The following DRC11 variants were observed in gnomAD, a reference collection of about 807,000 sequenced individuals.
DRC11 encodes dynein regulatory complex subunit 11.
the DRC11 span, chr2:236,454,663 A>G: frequency 6.6e-6 from 1 of 152,216 alleles, no homozygotes; most frequent in African/African-American, 2.4e-5. The surrounding 1 kb of genome is among the most constrained non-coding windows in gnomAD (Gnocchi z 5.3). Context: ...CTTGGACTAT[A>G]AAGGGAAAGA....
chr2:236,503,455 C>A, the DRC11 span, among the ~76,000 whole-genome samples: 1 of 152,232 alleles, frequency 6.6e-6, no homozygotes, highest in African/African-American at 2.4e-5. The surrounding 1 kb of genome is among the most constrained non-coding windows in gnomAD (Gnocchi z 4.9). Flanking sequence ...TGACCCATAA[C>A]TGGAATTTTT....
At chr2:236,406,279 AC>A in the DRC11 span, among the ~76,000 whole-genome samples, 55 of 152,282 alleles carry the variant, frequency 3.6e-4, 1 homozygote, top group East Asian at 9.6e-3. This position sits in a 1 kb window ranked among gnomAD's most constrained non-coding sequence, Gnocchi z 4.7. Context: ...CCAAATGTTA[AC>A]TACTGCTATT....
the DRC11 span, among the ~76,000 whole-genome samples, chr2:236,356,973 A>ATATATTCATATATTATATATCTATATATT: frequency 1.5e-4 from 14 of 92,206 alleles, no homozygotes; most frequent in Non-Finnish European, 3.3e-4. Flanking sequence ...TATATATTAT[A>ATATATTCATATATTATATATCTATATATT]TATTCATATA....
the DRC11 span, among the ~76,000 whole-genome samples, chr2:236,314,374 A>G: frequency 6.6e-6 from 1 of 152,246 alleles, no homozygotes; most frequent in African/African-American, 2.4e-5. This position sits in a 1 kb window ranked among gnomAD's most constrained non-coding sequence, Gnocchi z 4.5. Context: ...ACCTAATGAT[A>G]AAATGTTGAA....
At chr2:236,478,830 CTTTT>C in the DRC11 span, among the ~76,000 whole-genome samples, 4 of 139,350 alleles carry the variant, frequency 2.9e-5, no homozygotes, top group African/African-American at 1.0e-4. The surrounding 1 kb of genome is among the most constrained non-coding windows in gnomAD (Gnocchi z 5.9). Context: ...GGTTTGTAGT[CTTTT>C]TTTTTTTTGA....
chr2:236,325,435 T>C, the DRC11 span, among the ~76,000 whole-genome samples: 1 of 152,172 alleles, frequency 6.6e-6, no homozygotes, highest in Non-Finnish European at 1.5e-5. The surrounding 1 kb of genome is among the most constrained non-coding windows in gnomAD (Gnocchi z 4.4). Context: ...GTTCACAATT[T>C]TTACAAATCT....
chr2:236,357,099 C>T, the DRC11 span, among the ~76,000 whole-genome samples: 15 of 126,676 alleles, frequency 1.2e-4, 1 homozygote, highest in South Asian at 7.3e-4. Context: ...TTTATATATT[C>T]GTATATTATA....
At chr2:236,430,977 A>T in the DRC11 span, among the ~76,000 whole-genome samples, 11 of 152,094 alleles carry the variant, frequency 7.2e-5, no homozygotes, top group African/African-American at 2.4e-4. This position sits in a 1 kb window ranked among gnomAD's most constrained non-coding sequence, Gnocchi z 6.0. Flanking sequence ...GTCAGCCATC[A>T]TTTTTTTGGG....
the DRC11 span, among the ~76,000 whole-genome samples, chr2:236,449,463 T>C: frequency 7.8e-3 from 1,183 of 152,306 alleles, 46 homozygotes; most frequent in East Asian, 0.12. The surrounding 1 kb of genome is among the most constrained non-coding windows in gnomAD (Gnocchi z 5.1). Flanking sequence ...CAGGCCGTGT[T>C]GCTGCCATTT....
At chr2:236,441,180 AC>A in the DRC11 span, 1 of 1,157,228 alleles carries the variant, frequency 8.6e-7, no homozygotes. Flanking sequence ...CTTGTTATAT[AC>A]CCCATTTATT....
At chr2:236,504,103 A>G in the DRC11 span, among the ~76,000 whole-genome samples, 2 of 151,310 alleles carry the variant, frequency 1.3e-5, no homozygotes, top group South Asian at 4.2e-4. This position sits in a 1 kb window ranked among gnomAD's most constrained non-coding sequence, Gnocchi z 5.0. Flanking sequence ...GTCACTCCCC[A>G]TTCCCCACTC....
chr2:236,438,942 A>G, the DRC11 span, among the ~76,000 whole-genome samples: 3,315 of 149,874 alleles, frequency 0.022, 123 homozygotes, highest in African/African-American at 0.077. Context: ...CTACATGGAA[A>G]CTGAACAACC....
At chr2:236,488,315 G>T in the DRC11 span, 2 of 609,718 alleles carry the variant, frequency 3.3e-6, no homozygotes, top group Non-Finnish European at 5.4e-6. Context: ...GATCATGAGT[G>T]TGAGAACCGC....
At chr2:236,472,656 T>G in the DRC11 span, among the ~76,000 whole-genome samples, 1 of 152,214 alleles carries the variant, frequency 6.6e-6, no homozygotes, top group Non-Finnish European at 1.5e-5. This position sits in a 1 kb window ranked among gnomAD's most constrained non-coding sequence, Gnocchi z 4.6. Context: ...TAATGGCATA[T>G]CCTATCCCAA....
the DRC11 span, chr2:236,391,885 C>T: frequency 9.5e-7 from 1 of 1,052,434 alleles, no homozygotes; most frequent in East Asian, 2.4e-5. The surrounding 1 kb of genome is among the most constrained non-coding windows in gnomAD (Gnocchi z 4.5). Context: ...CAACAGGCGG[C>T]CCTCCTGGAC....
At chr2:236,405,363 C>G in the DRC11 span, among the ~76,000 whole-genome samples, 1 of 151,666 alleles carries the variant, frequency 6.6e-6, no homozygotes, top group Non-Finnish European at 1.5e-5. The surrounding 1 kb of genome is among the most constrained non-coding windows in gnomAD (Gnocchi z 4.6). Flanking sequence ...CACCAGCATG[C>G]CATGATCTGT....
the DRC11 span, among the ~76,000 whole-genome samples, chr2:236,475,369 C>T: frequency 1.3e-5 from 2 of 152,074 alleles, no homozygotes; most frequent in African/African-American, 4.8e-5. This position sits in a 1 kb window ranked among gnomAD's most constrained non-coding sequence, Gnocchi z 4.8. Context: ...TTTCTTTATT[C>T]ACTTATCTGT....
chr2:236,373,520 G>C, the DRC11 span, among the ~76,000 whole-genome samples: 1 of 152,086 alleles, frequency 6.6e-6, no homozygotes, highest in Non-Finnish European at 1.5e-5. Context: ...CAAAGTGCTG[G>C]AACTACAGGC....
the DRC11 span, chr2:236,503,525 A>G: frequency 0.046 from 50,593 of 1,108,336 alleles, 1,261 homozygotes; most frequent in Middle Eastern, 0.068. This position sits in a 1 kb window ranked among gnomAD's most constrained non-coding sequence, Gnocchi z 4.9. Context: ...TTCTTCCCCA[A>G]CTGCAGTCTG....
Sources: gnomAD v4.1 joint callset for allele counts (sites outside exome capture counted in the v4.1 genomes callset) on GRCh38, gnomAD v4.1.1 for gene constraint, Gnocchi (gnomAD v3.1) non-coding constraint, MANE v1.5 for transcripts, NCBI Gene and HGNC (gene_info 2026-07-23, HGNC 2026-07-21) for gene names.